The following GALNT2 variants were observed in gnomAD, a reference collection of about 807,000 sequenced individuals.
GALNT2 encodes UDP-GalNAc:polypeptide N-acetylgalactosaminyltransferase 2.
Under a neutral mutation model 81.4 loss-of-function variants are expected in GALNT2, and 31 were observed. That is an observed-to-expected ratio of 0.38 (90% confidence interval 0.29 to 0.51). The LOEUF (loss-of-function observed/expected upper bound fraction) is 0.51. GALNT2 is among the 20% of genes least tolerant of loss of function. The probability of loss-of-function intolerance (pLI) is 0.87; values close to 1 mark genes in which losing one functional copy is unlikely to be tolerated. For synonymous variants in GALNT2, 303 were observed against 287.4 expected, an observed-to-expected ratio of 1.05 and a Z score of -0.55; for missense variants, 629 against 765.7, an observed-to-expected ratio of 0.82 and a Z score of 2.11.
chr1:230,146,060 T>A (rs950878607), intron 1 of GALNT2, among the ~76,000 whole-genome samples: 9 of 152,252 alleles, frequency 5.9e-5, no homozygotes, highest in African/African-American at 2.2e-4. Flanking sequence ...CTCTGCTTCT[T>A]ATTAATCTGT....
At chr1:230,111,495 C>T (rs1224512213) in intron 1 of GALNT2, among the ~76,000 whole-genome samples, 1 of 152,244 alleles carries the variant, frequency 6.6e-6, no homozygotes, top group Non-Finnish European at 1.5e-5. Flanking sequence ...TGTTCAAAAG[C>T]ATGGTCTGAG....
chr1:230,092,765 G>T (rs138479064), intron 1 of GALNT2, among the ~76,000 whole-genome samples: 1 of 152,112 alleles, frequency 6.6e-6, no homozygotes, highest in Non-Finnish European at 1.5e-5. Flanking sequence ...ATTCGAGGCC[G>T]CTTATAAGAG....
At chr1:230,230,489 A>G (rs1170844605) in intron 3 of GALNT2, among the ~76,000 whole-genome samples, 1 of 152,144 alleles carries the variant, frequency 6.6e-6, no homozygotes, top group Non-Finnish European at 1.5e-5. Context: ...GGAGACCAGC[A>G]TTTCGGAGCC....
intron 11 of GALNT2, chr1:230,262,007 C>CA (rs201169604): frequency 0.045 from 6,147 of 137,070 alleles, 344 homozygotes; most frequent in East Asian, 0.23. Context: ...GAGACTCCAT[C>CA]AAAAAAAAAA....
chr1:230,136,800 A>T (rs886155537), intron 1 of GALNT2, among the ~76,000 whole-genome samples: 1 of 152,204 alleles, frequency 6.6e-6, no homozygotes, highest in African/African-American at 2.4e-5. Flanking sequence ...TTGTACGGGA[A>T]GCTCAATGGC....
chr1:230,110,997 ATGTG>A (rs1479103503), intron 1 of GALNT2, among the ~76,000 whole-genome samples: 5 of 152,302 alleles, frequency 3.3e-5, no homozygotes, highest in African/African-American at 1.2e-4. Context: ...ACTTGCAGGA[ATGTG>A]TGTGCGTGTG....
chr1:230,115,411 A>G (rs1205025570), intron 1 of GALNT2, among the ~76,000 whole-genome samples: 1 of 152,194 alleles, frequency 6.6e-6, no homozygotes, highest in African/African-American at 2.4e-5. Flanking sequence ...AGTCACACAC[A>G]GTTTTTGGTT....
intron 1 of GALNT2, among the ~76,000 whole-genome samples, chr1:230,100,296 G>T (rs1326183794): frequency 6.8e-6 from 1 of 146,304 alleles, no homozygotes; most frequent in Non-Finnish European, 1.5e-5. Flanking sequence ...GATGCCCAGG[G>T]TATCTTTTTA....
intron 14 of GALNT2, among the ~76,000 whole-genome samples, chr1:230,273,816 A>C (rs17761459): frequency 0.15 from 23,438 of 152,218 alleles, 1,885 homozygotes; most frequent in African/African-American, 0.19. Flanking sequence ...AATGCTTGGC[A>C]CATAGCACCC....
intron 14 of GALNT2, among the ~76,000 whole-genome samples, chr1:230,269,015 G>A (rs559511619): frequency 3.1e-4 from 47 of 152,302 alleles, no homozygotes; most frequent in African/African-American, 1.1e-3. Flanking sequence ...CCTTCTTGCT[G>A]TTGTGCAGCC....
chr1:230,152,231 C>G (rs1401377498), intron 1 of GALNT2, among the ~76,000 whole-genome samples: 1 of 152,192 alleles, frequency 6.6e-6, no homozygotes. Context: ...ATGCCTCTGA[C>G]AAAAGTAAAG....
intron 10 of GALNT2, among the ~76,000 whole-genome samples, chr1:230,253,169 G>A (rs1665603480): frequency 6.6e-6 from 1 of 152,104 alleles, no homozygotes; most frequent in Non-Finnish European, 1.5e-5. Context: ...AGGTTGTGTT[G>A]GGAACTGTAA....
intron 14 of GALNT2, among the ~76,000 whole-genome samples, chr1:230,270,654 G>T (rs1276964645): frequency 1.3e-5 from 2 of 152,160 alleles, no homozygotes; most frequent in Admixed American, 6.5e-5. Flanking sequence ...TTTGCATAGC[G>T]TGTGACACGG....
At chr1:230,151,007 G>A (rs1263976479) in intron 1 of GALNT2, among the ~76,000 whole-genome samples, 2 of 152,224 alleles carry the variant, frequency 1.3e-5, no homozygotes, top group African/African-American at 4.8e-5. Flanking sequence ...GCAGGTGTCT[G>A]TAACTTTGTG....
chr1:230,069,530 T>C (rs2102740707), intron 1 of GALNT2, among the ~76,000 whole-genome samples: 1 of 152,278 alleles, frequency 6.6e-6, no homozygotes, highest in South Asian at 2.1e-4. Context: ...TAACTTCGTG[T>C]GGTGGACCCA....
At chr1:230,140,334 G>T (rs1216383102) in intron 1 of GALNT2, among the ~76,000 whole-genome samples, 1 of 152,174 alleles carries the variant, frequency 6.6e-6, no homozygotes, top group African/African-American at 2.4e-5. Context: ...GGTAGGTTTG[G>T]CCAAGGCCTG....
chr1:230,268,519 A>G (rs1484463584), intron 14 of GALNT2: 1 of 152,176 alleles, frequency 6.6e-6, no homozygotes, highest in African/African-American at 2.4e-5. Context: ...ACCTTACGCT[A>G]CAGCACATTA....
At chr1:230,249,311 G>A in intron 9 of GALNT2, 40 bp downstream of exon 9, 1 of 1,579,896 alleles carries the variant, frequency 6.3e-7, no homozygotes, top group Non-Finnish European at 8.7e-7. Context: ...TCCCAGATGA[G>A]ACCCCAGGTT....
chr1:230,155,249 G>A (rs1173181029), intron 1 of GALNT2, among the ~76,000 whole-genome samples: 2 of 152,200 alleles, frequency 1.3e-5, no homozygotes, highest in Non-Finnish European at 2.9e-5. Context: ...GCATGGGGTT[G>A]TGAGAGCCCT....
Sources: gnomAD v4.1 joint callset for allele counts (sites outside exome capture counted in the v4.1 genomes callset) on GRCh38, gnomAD v4.1.1 for gene constraint, MANE v1.5 for transcripts, NCBI Gene and HGNC (gene_info 2026-07-23, HGNC 2026-07-21) for gene names.